STK3: variants seen among roughly 807,000 people sequenced by gnomAD.
The protein encoded by STK3 is serine/threonine kinase 3, also known as serine/threonine-protein kinase 3.
In STK3, 41 loss-of-function variants were observed where a neutral mutation model predicts 58.0. The ratio of observed to expected loss-of-function variants is 0.71; its 90% confidence interval spans 0.55 to 0.92. The LOEUF (loss-of-function observed/expected upper bound fraction) is 0.92, where lower values mean the gene tolerates loss of function less well. STK3 is among the 40% of genes least tolerant of loss of function. The pLI, the probability that STK3 is intolerant of heterozygous loss-of-function variation, is 0.00. For missense variants in STK3, 479 were observed against 602.7 expected (o/e 0.79, Z 2.15); for synonymous variants, 170 against 191.0 (o/e 0.89, Z 0.91).
chr8:98,379,161 T>A (rs1449890843), exon 2 of STK3: 1 of 151,948 alleles, frequency 6.6e-6, no homozygotes, highest in African/African-American at 2.4e-5. Context: ...ACCTAAGAGG[T>A]CTCCAGAATC....
chr8:98,764,951 C>T (rs1830852081), intron 3 of STK3, among the ~76,000 whole-genome samples: 1 of 152,152 alleles, frequency 6.6e-6, no homozygotes. Context: ...TGCTTGATTA[C>T]ATTTGCATTT....
downstream of STK3, among the ~76,000 whole-genome samples, chr8:98,400,180 A>G (rs1405782323): frequency 6.6e-6 from 1 of 152,228 alleles, no homozygotes; most frequent in Non-Finnish European, 1.5e-5. Context: ...CAGAGCCCCC[A>G]GAGGGGGAGC....
upstream of STK3, among the ~76,000 whole-genome samples, chr8:98,390,525 T>C (rs1460664506): frequency 6.6e-6 from 1 of 152,204 alleles, no homozygotes; most frequent in African/African-American, 2.4e-5. Flanking sequence ...CTGATTCTGT[T>C]TGGGATTCAT....
At chr8:98,702,720 G>C (rs996327473) in intron 6 of STK3, among the ~76,000 whole-genome samples, 1 of 152,148 alleles carries the variant, frequency 6.6e-6, no homozygotes, top group African/African-American at 2.4e-5. Context: ...ATAGTGGAAA[G>C]GGCTAGAACT....
chr8:98,822,011 G>A (rs914937227), intron 1 of STK3, among the ~76,000 whole-genome samples: 3 of 151,948 alleles, frequency 2.0e-5, no homozygotes, highest in Non-Finnish European at 4.4e-5. Context: ...ATTATGTGTT[G>A]ATATGTGTAC....
At chr8:98,619,604 C>A (rs1818077546) in intron 6 of STK3, among the ~76,000 whole-genome samples, 1 of 100,834 alleles carries the variant, frequency 9.9e-6, no homozygotes, top group Non-Finnish European at 2.0e-5. Flanking sequence ...ACAATGAACT[C>A]AAACAAATTT....
intron 1 of STK3, among the ~76,000 whole-genome samples, chr8:98,384,328 A>T (rs965422528): frequency 5.9e-5 from 9 of 152,200 alleles, no homozygotes; most frequent in African/African-American, 1.9e-4. Context: ...GGGGCTCTTG[A>T]GCTGCTTGTC....
intron 1 of STK3, among the ~76,000 whole-genome samples, chr8:98,936,770 A>G (rs1156241099): frequency 6.6e-6 from 1 of 152,242 alleles, no homozygotes; most frequent in Non-Finnish European, 1.5e-5. Flanking sequence ...CAGGAAAAGA[A>G]AAAGACAACC....
At chr8:98,596,924 G>A (rs1007150527) in intron 6 of STK3, among the ~76,000 whole-genome samples, 5 of 151,940 alleles carry the variant, frequency 3.3e-5, no homozygotes, top group Non-Finnish European at 7.4e-5. Context: ...TTCTAAATAT[G>A]AAATACAAGT....
chr8:98,622,168 G>C (rs190516098), intron 6 of STK3, among the ~76,000 whole-genome samples: 21 of 149,574 alleles, frequency 1.4e-4, no homozygotes, highest in African/African-American at 5.2e-4. Context: ...CCAGCTATTC[G>C]TGAGGCAGGA....
At chr8:98,716,217 T>A (rs1016273687) in intron 4 of STK3, among the ~76,000 whole-genome samples, 1 of 152,112 alleles carries the variant, frequency 6.6e-6, no homozygotes, top group Non-Finnish European at 1.5e-5. Context: ...TACACTAACA[T>A]GGCACATGTA....
At chr8:98,755,412 T>C (rs1012437158) in intron 3 of STK3, among the ~76,000 whole-genome samples, 2 of 152,248 alleles carry the variant, frequency 1.3e-5, no homozygotes, top group Non-Finnish European at 2.9e-5. Context: ...AAACTGGCTG[T>C]GACTTTATTT....
chr8:98,538,006 T>A (rs1809918063), intron 9 of STK3, among the ~76,000 whole-genome samples: 2 of 152,120 alleles, frequency 1.3e-5, no homozygotes, highest in African/African-American at 2.4e-5. Flanking sequence ...AATTTAAATA[T>A]ATAAAGTAAT....
chr8:98,756,208 A>G lies in STK3; in HGVS notation c.237-6818T>C, dbSNP rs1176154266. 3.3e-5 allele frequency among the ~76,000 whole-genome samples: 5 copies of G among 152,072 alleles called. No homozygotes were observed. The East Asian group carries it at 7.7e-4, about 23-fold the overall frequency. On this transcript the variant is annotated intron_variant, in intron 3 of 10. Coordinates refer to ENST00000419617, the MANE Select transcript of STK3 (RefSeq NM_006281.4). ...AAGAAAAGAACCAACGAATAAATAA[A>G]TCACACAAAAAACTAAGACAGGACC...
chr8:98,570,840 G>A (rs1032132010), intron 8 of STK3, among the ~76,000 whole-genome samples: 10 of 152,318 alleles, frequency 6.6e-5, no homozygotes, highest in Admixed American at 1.3e-4. Flanking sequence ...TAAAACTGAA[G>A]TAGAGAGGTT....
rs536253432 is a variant in STK3 at position 98,596,188 on chromosome 8, C to A, written c.685-19G>T. 4.4e-6 allele frequency: 7 copies of A among 1,605,700 alleles called. No individual in the cohort carries two copies. Among genetic ancestry groups the A allele is most frequent in the Admixed American group, 1.7e-5 (1 of 59,112 alleles). ...AAATAGCCTAGTACAAATGAAATAT[C>A]CAAAAGACAGTAAGAATCACACTAG... On this transcript the variant is annotated intron_variant, in intron 6 of 10. Coordinates refer to ENST00000419617, the MANE Select transcript of STK3 (RefSeq NM_006281.4).
chr8:98,713,218 A>G (rs533671341), intron 4 of STK3, among the ~76,000 whole-genome samples: 132 of 152,338 alleles, frequency 8.7e-4, no homozygotes, highest in African/African-American at 2.9e-3. Flanking sequence ...CATCACAATT[A>G]AAAGAACTAG....
chr8:98,554,125 T>C (rs1481193699), intron 8 of STK3, among the ~76,000 whole-genome samples: 6 of 152,144 alleles, frequency 3.9e-5, no homozygotes, highest in African/African-American at 1.4e-4. Context: ...ACCTACCTTC[T>C]AATTATGTAA....
intron 6 of STK3, among the ~76,000 whole-genome samples, chr8:98,639,187 G>T (rs1287049236): frequency 6.7e-6 from 1 of 150,266 alleles, no homozygotes; most frequent in Admixed American, 6.7e-5. Flanking sequence ...ACAGCTCACT[G>T]CAGTCTCAAC....
Sources: allele counts gnomAD v4.1 joint callset (sites outside exome capture counted in the v4.1 genomes callset), GRCh38; gene constraint gnomAD v4.1.1; transcripts MANE v1.5; gene names NCBI Gene and HGNC (gene_info 2026-07-23, HGNC 2026-07-21).